TNKS: variants seen among roughly 807,000 people sequenced by gnomAD.
The protein encoded by TNKS is poly [ADP-ribose] polymerase tankyrase-1.
TNKS carries 72 observed loss-of-function variants against 135.8 expected under a neutral mutation model. That is an observed-to-expected ratio of 0.53 (90% CI 0.44 to 0.64). TNKS has a LOEUF of 0.64. TNKS is among the 30% of genes least tolerant of loss of function. The probability of loss-of-function intolerance (pLI) is 0.00; values close to 1 mark genes in which losing one functional copy is unlikely to be tolerated. For missense variants in TNKS, 1,769 were observed against 1,674.0 expected, an observed-to-expected ratio of 1.06 and a Z score of -0.99; for synonymous variants, 849 against 649.3, an observed-to-expected ratio of 1.31 and a Z score of -4.68.
intron 3 of TNKS, among the ~76,000 whole-genome samples, chr8:9,663,164 G>T (rs1374683385): frequency 6.6e-6 from 1 of 152,200 alleles, no homozygotes; most frequent in Non-Finnish European, 1.5e-5. Flanking sequence ...GGCTCCGAAG[G>T]AACACATCCC....
chr8:9,713,349 G>T (rs1484068267), intron 11 of TNKS, among the ~76,000 whole-genome samples: 1 of 152,152 alleles, frequency 6.6e-6, no homozygotes, highest in Non-Finnish European at 1.5e-5. Flanking sequence ...GAAAAATTAG[G>T]AATAATGCCC....
intron 3 of TNKS, among the ~76,000 whole-genome samples, chr8:9,652,026 G>A (rs7842294): frequency 0.98 from 149,157 of 152,338 alleles, 73,101 homozygotes; most frequent in East Asian, 1. Flanking sequence ...TAAAGTAAAT[G>A]TGAAGTTTAA....
intron 3 of TNKS, among the ~76,000 whole-genome samples, chr8:9,657,726 C>G (rs1361293723): frequency 1.1e-4 from 12 of 112,910 alleles, no homozygotes; most frequent in East Asian, 3.0e-4. Context: ...GTAGGGGCGG[C>G]CGGGCAGAGG....
intron 26 of TNKS, among the ~76,000 whole-genome samples, chr8:9,771,169 G>C (rs1318623296): frequency 6.7e-6 from 1 of 149,178 alleles, no homozygotes; most frequent in African/African-American, 2.5e-5. Context: ...AGGAAGGAAA[G>C]GAGGGAGAGA....
At chr8:9,711,628 G>A (rs573967933) in intron 11 of TNKS, among the ~76,000 whole-genome samples, 36 of 152,230 alleles carry the variant, frequency 2.4e-4, no homozygotes, top group African/African-American at 8.7e-4. Context: ...TTCAAAATTT[G>A]TTAATAGTTC....
At chr8:9,773,119 C>CT (rs987797696) in intron 26 of TNKS, among the ~76,000 whole-genome samples, 10 of 151,166 alleles carry the variant, frequency 6.6e-5, no homozygotes, top group South Asian at 2.1e-4. Flanking sequence ...AGAAAAGAAG[C>CT]TTTTTTTTAA....
chr8:9,607,192 T>C (rs1299219099), intron 2 of TNKS, among the ~76,000 whole-genome samples: 3 of 152,198 alleles, frequency 2.0e-5, no homozygotes, highest in Non-Finnish European at 4.4e-5. Context: ...ATGAGTAACA[T>C]TTTTTGAAAA....
intron 3 of TNKS, among the ~76,000 whole-genome samples, chr8:9,672,707 CACACAAAAA>C (rs1409976102): frequency 8.6e-5 from 9 of 104,320 alleles, no homozygotes; most frequent in South Asian, 4.0e-4. Context: ...CACACACACA[CACACAAAAA>C]AAAAAAAACA....
rs574226951 is a variant in TNKS at position 9,606,366 on chromosome 8, T to A, written c.899-9216T>A. Reference sequence around the variant, plus strand: ...TTTTTCAATTGGAAGTTATGCTTCATAACACAAAGTAGCTAGTTTAACTTG... The same window carrying A: ...TTTTTCAATTGGAAGTTATGCTTCAAAACACAAAGTAGCTAGTTTAACTTG... On this transcript the variant is annotated intron_variant, in intron 2 of 26. Transcript: ENST00000310430. Among the ~76,000 whole-genome samples the A allele has an allele frequency of 3.3e-5, 5 of 152,158 alleles. No homozygotes were observed. In the South Asian group the frequency reaches 1.0e-3, roughly 32 times the overall value.
intron 1 of TNKS, chr8:9,566,507 G>C (rs1479297813): frequency 6.7e-5 from 10 of 148,944 alleles, no homozygotes; most frequent in Admixed American, 6.7e-4. Context: ...ATTTGAACAA[G>C]TAAACTTTTT....
chr8:9,760,041 C>T (rs1375537692), intron 20 of TNKS, among the ~76,000 whole-genome samples: 1 of 150,968 alleles, frequency 6.6e-6, no homozygotes, highest in Non-Finnish European at 1.5e-5. Flanking sequence ...GAAGTTACCA[C>T]ATAGATATGA....
At chr8:9,610,532 C>G (rs1169291023) in intron 2 of TNKS, among the ~76,000 whole-genome samples, 2 of 151,972 alleles carry the variant, frequency 1.3e-5, no homozygotes, top group Admixed American at 6.5e-5. Context: ...GAATCTTATA[C>G]ATTGAAGGCT....
chr8:9,728,053 A>G (rs899047770), intron 13 of TNKS, among the ~76,000 whole-genome samples: 3 of 152,232 alleles, frequency 2.0e-5, no homozygotes, highest in Non-Finnish European at 4.4e-5. Flanking sequence ...GCTTATTATA[A>G]TTAATACATA....
rs559135594 is a variant in TNKS at position 9,781,785 on chromosome 8, G to C, written c.*5049G>C. 6.6e-6 allele frequency: 1 copy of C among 152,628 alleles called. No individual in the cohort carries two copies. The highest frequency in any genetic ancestry group is 2.4e-5 in the African/African-American group (1 of 41,442). The allele number at this position is 152,628 out of a possible 1,614,324, so 9.5% of individuals were successfully genotyped here. A position where few individuals can be genotyped will look rare whatever the true frequency, so the allele number is the denominator to read the frequency against. On this transcript the variant is annotated 3_prime_UTR_variant, in exon 27 of 27. Transcript: ENST00000310430. Reference sequence around the variant, plus strand: ...TTGGTCTGTGTGAGCAACCAGTGTAGTGACTCTTTGGTTCATTATTCGTGT... The same window carrying C: ...TTGGTCTGTGTGAGCAACCAGTGTACTGACTCTTTGGTTCATTATTCGTGT...
chr8:9,588,604 G>T (rs1031567146), intron 2 of TNKS, among the ~76,000 whole-genome samples: 1 of 152,162 alleles, frequency 6.6e-6, no homozygotes, highest in African/African-American at 2.4e-5. Flanking sequence ...CTAAAAAGGG[G>T]AATTTTATTG....
chr8:9,670,668 G>A (rs1469357676), intron 3 of TNKS: 2 of 152,064 alleles, frequency 1.3e-5, no homozygotes, highest in Non-Finnish European at 2.9e-5. Flanking sequence ...TTTTCAGTTG[G>A]TGGTGTTAGC....
intron 11 of TNKS, among the ~76,000 whole-genome samples, chr8:9,712,732 T>C (rs1293319918): frequency 1.3e-5 from 2 of 148,570 alleles, no homozygotes; most frequent in African/African-American, 2.5e-5. Context: ...CTACAAATAA[T>C]AAAAAAAAAT....
At chr8:9,669,004 A>G (rs1200308798) in intron 3 of TNKS, among the ~76,000 whole-genome samples, 1 of 152,192 alleles carries the variant, frequency 6.6e-6, no homozygotes, top group Non-Finnish European at 1.5e-5. Flanking sequence ...TAAAGCAGAA[A>G]TTAATGTAAC....
chr8:9,648,520 G>A (rs1451487888), intron 3 of TNKS, among the ~76,000 whole-genome samples: 1 of 152,028 alleles, frequency 6.6e-6, no homozygotes, highest in Non-Finnish European at 1.5e-5. Context: ...CCACTGAAAG[G>A]TCTTCGTGGA....
Sources: gnomAD v4.1 joint callset for allele counts (sites outside exome capture counted in the v4.1 genomes callset) on GRCh38, gnomAD v4.1.1 for gene constraint, MANE v1.5 for transcripts, NCBI Gene and HGNC (gene_info 2026-07-23, HGNC 2026-07-21) for gene names.